The following GRM8 variants were observed in gnomAD, a reference collection of about 807,000 sequenced individuals.
The protein encoded by GRM8 is metabotropic glutamate receptor 8.
In GRM8, 47 loss-of-function variants were observed where a neutral mutation model predicts 87.2. That is an observed-to-expected ratio of 0.54 (90% CI 0.43 to 0.69). The LOEUF is 0.69. GRM8 is among the 30% of genes least tolerant of loss of function. GRM8 has a pLI of 0.00. For missense variants in GRM8, 1,019 were observed against 1,139.2 expected, an observed-to-expected ratio of 0.89 and a Z score of 1.52; for synonymous variants, 396 against 404.5, an observed-to-expected ratio of 0.98 and a Z score of 0.25.
At chr7:127,018,805 T>A (rs1785401534) in intron 3 of GRM8, among the ~76,000 whole-genome samples, 1 of 151,862 alleles carries the variant, frequency 6.6e-6, no homozygotes, top group African/African-American at 2.4e-5. Context: ...TCTTGTAACA[T>A]GAGGCAACCA....
At chr7:126,844,474 G>A (rs1477557593) in intron 6 of GRM8, among the ~76,000 whole-genome samples, 2 of 152,126 alleles carry the variant, frequency 1.3e-5, no homozygotes. Flanking sequence ...AAGTCCTTAT[G>A]TACATGATCT....
chr7:127,054,899 TAA>T (rs34037665), intron 3 of GRM8, among the ~76,000 whole-genome samples: 233 of 146,946 alleles, frequency 1.6e-3, no homozygotes, highest in African/African-American at 4.9e-3. Context: ...TGCAGAATGC[TAA>T]AAAAAAAAAA....
rs1813077060 is a variant in GRM8 at position 126,522,168 on chromosome 7, C to G, written c.2430+10784G>C. The stretch of plus-strand genomic sequence containing the variant: ...TGCACATTACAAGCACAATCACATG[C>G]CATAAACTGCAAACATCTCATTTTC... On this transcript the variant is annotated intron_variant, in intron 9 of 10. Transcript: ENST00000339582. Among the ~76,000 whole-genome samples, 3 of 152,262 alleles carry G rather than the reference C, an allele frequency of 2.0e-5. No homozygotes were observed. In the South Asian group the frequency reaches 6.2e-4, roughly 32 times the overall value.
intron 6 of GRM8, among the ~76,000 whole-genome samples, chr7:126,854,206 T>C (rs1197526195): frequency 6.6e-6 from 1 of 152,238 alleles, no homozygotes; most frequent in East Asian, 1.9e-4. Context: ...GCCTTTTCCA[T>C]GGTTCCCCTC....
chr7:126,700,858 G>T (rs559396508), intron 7 of GRM8, among the ~76,000 whole-genome samples: 1 of 152,038 alleles, frequency 6.6e-6, no homozygotes, highest in Admixed American at 6.6e-5. Flanking sequence ...CTGTTCCCAA[G>T]ATACTTTGTG....
intron 3 of GRM8, among the ~76,000 whole-genome samples, chr7:126,974,543 A>T (rs759855657): frequency 6.6e-6 from 1 of 152,206 alleles, no homozygotes; most frequent in Non-Finnish European, 1.5e-5. Flanking sequence ...AATATGGGGA[A>T]AAAAGTACAT....
At chr7:126,741,235 C>T (rs569435108) in intron 7 of GRM8, among the ~76,000 whole-genome samples, 8 of 150,278 alleles carry the variant, frequency 5.3e-5, no homozygotes, top group South Asian at 2.1e-4. Flanking sequence ...TGTGTGCGTA[C>T]GTGTGTGTGT....
chr7:126,646,989 G>T (rs989636379), intron 7 of GRM8, among the ~76,000 whole-genome samples: 12 of 152,166 alleles, frequency 7.9e-5, no homozygotes, highest in African/African-American at 2.7e-4. Context: ...TTGCCCAGGG[G>T]TGGCAGCAAT....
At chr7:126,514,660 CA>C (rs34268707) in intron 9 of GRM8, among the ~76,000 whole-genome samples, 5 of 151,518 alleles carry the variant, frequency 3.3e-5, no homozygotes, top group African/African-American at 1.2e-4. Flanking sequence ...ATTTTACACC[CA>C]AGAAAATATC....
chr7:126,607,045 A>G (rs1798430787), intron 8 of GRM8, among the ~76,000 whole-genome samples: 1 of 152,214 alleles, frequency 6.6e-6, no homozygotes, highest in African/African-American at 2.4e-5. Context: ...TAAAAGTCAG[A>G]TAAAAAGCTT....
At chr7:126,528,055 T>C (rs1814163044) in intron 9 of GRM8, among the ~76,000 whole-genome samples, 1 of 152,134 alleles carries the variant, frequency 6.6e-6, no homozygotes. Context: ...AATACAAAAA[T>C]TAGCTGGGAG....
chr7:126,946,801 C>T (rs1807585105), intron 3 of GRM8, among the ~76,000 whole-genome samples: 1 of 152,098 alleles, frequency 6.6e-6, no homozygotes, highest in Non-Finnish European at 1.5e-5. Context: ...TTTTGTTATA[C>T]CTCAATAGTT....
rs901586921 is a variant in GRM8 at position 127,243,362 on chromosome 7, A to G, written c.-158T>C. ...CAAGTTTTCTTGATTTGAATGTCAC[A>G]GTGAATTTCCATCAGACCCCTAAGG... On this transcript the variant is annotated 5_prime_UTR_variant, in exon 2 of 11. Transcript: ENST00000339582. The G allele has an allele frequency of 1.6e-5, 10 of 632,722 alleles. No homozygotes were observed. In the African/African-American group the frequency reaches 1.8e-4, roughly 12 times the overall value. 39.2% of individuals were successfully genotyped at this position (632,722 alleles called of 1,614,324 possible).
At chr7:127,092,480 G>A (rs967004721) in intron 3 of GRM8, among the ~76,000 whole-genome samples, 1 of 152,192 alleles carries the variant, frequency 6.6e-6, no homozygotes, top group Non-Finnish European at 1.5e-5. Flanking sequence ...TGGATCTCTT[G>A]AGGCCAGGAG....
At chr7:127,162,515 G>A (rs1340317319) in intron 2 of GRM8, among the ~76,000 whole-genome samples, 1 of 152,168 alleles carries the variant, frequency 6.6e-6, no homozygotes, top group Admixed American at 6.5e-5. Context: ...GGTTGCCTGG[G>A]TAACCAAGTA....
intron 7 of GRM8, among the ~76,000 whole-genome samples, chr7:126,680,090 A>G (rs1807385895): frequency 6.6e-6 from 1 of 151,926 alleles, no homozygotes; most frequent in Admixed American, 6.6e-5. Context: ...GGCTCACCCC[A>G]GATTGCACAA....
intron 7 of GRM8, among the ~76,000 whole-genome samples, chr7:126,752,831 T>C (rs891236585): frequency 6.6e-6 from 1 of 152,078 alleles, no homozygotes; most frequent in African/African-American, 2.4e-5. Flanking sequence ...TGGTGACACT[T>C]TCCTTGACTT....
chr7:126,977,853 G>A (rs1391411436), intron 3 of GRM8, among the ~76,000 whole-genome samples: 1 of 152,168 alleles, frequency 6.6e-6, no homozygotes, highest in South Asian at 2.1e-4. Flanking sequence ...ACTGAATGGG[G>A]TTGGAAGCTG....
At chr7:127,148,753 G>T (rs1419758651) in intron 2 of GRM8, among the ~76,000 whole-genome samples, 1 of 151,982 alleles carries the variant, frequency 6.6e-6, no homozygotes. Context: ...AAAGCAAAAG[G>T]AAAACTTAAA....
Sources: gnomAD v4.1 joint callset for allele counts (sites outside exome capture counted in the v4.1 genomes callset) on GRCh38, gnomAD v4.1.1 for gene constraint, MANE v1.5 for transcripts, NCBI Gene and HGNC (gene_info 2026-07-23, HGNC 2026-07-21) for gene names.